The following PLCB4 variants were observed in gnomAD, a reference collection of about 807,000 sequenced individuals.
PLCB4 encodes the protein phospholipase C beta 4.
In PLCB4, 77 loss-of-function variants were observed where a neutral mutation model predicts 178.8. The observed-to-expected ratio is 0.43, with a 90% CI of 0.36 to 0.52. The LOEUF (loss-of-function observed/expected upper bound fraction) is 0.52, where lower values mean the gene tolerates loss of function less well. PLCB4 is among the 20% of genes least tolerant of loss of function. The pLI, the probability that PLCB4 is intolerant of heterozygous loss-of-function variation, is 0.00. For missense variants in PLCB4, 1,024 were observed against 1,453.4 expected (o/e 0.70, Z 4.80); for synonymous variants, 496 against 490.8 (o/e 1.01, Z -0.14).
At chr20:9,445,661 G>A (rs2042371639) in intron 32 of PLCB4, among the ~76,000 whole-genome samples, 1 of 152,166 alleles carries the variant, frequency 6.6e-6, no homozygotes, top group African/African-American at 2.4e-5. Flanking sequence ...TTCAAAGACT[G>A]TTTCTAAGTT....
chr20:9,406,689 G>C (rs1481197878), intron 21 of PLCB4, among the ~76,000 whole-genome samples: 3 of 151,952 alleles, frequency 2.0e-5, no homozygotes, highest in Admixed American at 2.0e-4. Context: ...TAGAGATGGG[G>C]TTTCACAGTG....
At chr20:9,336,786 G>A (rs1376983386) in intron 4 of PLCB4, among the ~76,000 whole-genome samples, 1 of 151,508 alleles carries the variant, frequency 6.6e-6, no homozygotes, top group African/African-American at 2.4e-5. Context: ...AAAAAATAAT[G>A]TATCTCCTGA....
chr20:9,080,071 G>A (rs146017902), intron 1 of PLCB4, among the ~76,000 whole-genome samples: 10 of 152,248 alleles, frequency 6.6e-5, no homozygotes, highest in Non-Finnish European at 1.2e-4. Context: ...TGGGGGAAGA[G>A]ACTAGGAGGA....
intron 36 of PLCB4, among the ~76,000 whole-genome samples, chr20:9,471,672 C>G (rs1369658968): frequency 6.6e-6 from 1 of 152,160 alleles, no homozygotes; most frequent in Non-Finnish European, 1.5e-5. Flanking sequence ...CACCAGTAGT[C>G]AGGGAAATGC....
chr20:9,252,975 T>A (rs1601446898), intron 3 of PLCB4, among the ~76,000 whole-genome samples: 1 of 152,308 alleles, frequency 6.6e-6, no homozygotes, highest in South Asian at 2.1e-4. Context: ...TTGTGGGACT[T>A]CTCAGCCTCC....
intron 28 of PLCB4, among the ~76,000 whole-genome samples, chr20:9,433,113 G>T (rs1029887929): frequency 6.6e-6 from 1 of 152,186 alleles, no homozygotes; most frequent in South Asian, 2.1e-4. Context: ...CCGAATTGCT[G>T]TGAAGAGAGA....
chr20:9,111,941 T>C (rs2091589469), intron 2 of PLCB4, among the ~76,000 whole-genome samples: 1 of 152,200 alleles, frequency 6.6e-6, no homozygotes, highest in Non-Finnish European at 1.5e-5. Flanking sequence ...AGTCCACTAG[T>C]GGAAGTATTA....
At chr20:9,470,554 C>G (rs999981790) in intron 36 of PLCB4, among the ~76,000 whole-genome samples, 3 of 152,148 alleles carry the variant, frequency 2.0e-5, no homozygotes, top group Non-Finnish European at 4.4e-5. Flanking sequence ...TTTTTACCAT[C>G]TTTTTCAAAT....
chr20:9,114,911 G>A (rs1178541234), intron 2 of PLCB4, among the ~76,000 whole-genome samples: 1 of 152,176 alleles, frequency 6.6e-6, no homozygotes, highest in Non-Finnish European at 1.5e-5. Flanking sequence ...GTTACCTGGA[G>A]TAGGTGATCT....
At chr20:9,223,411 C>T (rs1443016537) in intron 3 of PLCB4, among the ~76,000 whole-genome samples, 1 of 152,186 alleles carries the variant, frequency 6.6e-6, no homozygotes, top group African/African-American at 2.4e-5. Context: ...ACAGCAGTCA[C>T]CTTTTTACCT....
chr20:9,241,575 A>G (rs931629304), intron 3 of PLCB4, among the ~76,000 whole-genome samples: 1 of 152,226 alleles, frequency 6.6e-6, no homozygotes, highest in Admixed American at 6.5e-5. Context: ...TGTGTGATGA[A>G]TCACCAGATG....
intron 2 of PLCB4, among the ~76,000 whole-genome samples, chr20:9,126,106 CAA>C (rs957947248): frequency 2.0e-5 from 3 of 152,044 alleles, no homozygotes; most frequent in Admixed American, 6.6e-5. Flanking sequence ...TAAATAAAAA[CAA>C]TATTAATATT....
At chr20:9,412,194 A>G (rs1447371735) in intron 25 of PLCB4, among the ~76,000 whole-genome samples, 6 of 152,194 alleles carry the variant, frequency 3.9e-5, no homozygotes, top group Non-Finnish European at 8.8e-5. Flanking sequence ...TTGTGAAAGC[A>G]ATTTTGTTAT....
At chr20:9,360,268 C>T (rs1395528113) in intron 7 of PLCB4, among the ~76,000 whole-genome samples, 2 of 152,182 alleles carry the variant, frequency 1.3e-5, no homozygotes, top group African/African-American at 4.8e-5. Context: ...AGCATGGGCC[C>T]TGTCACTGGA....
chr20:9,125,350 G>A (rs746615943), intron 2 of PLCB4, among the ~76,000 whole-genome samples: 11 of 152,056 alleles, frequency 7.2e-5, no homozygotes, highest in Non-Finnish European at 1.6e-4. Context: ...CTGATTTTAT[G>A]CTTGGTATGG....
intron 30 of PLCB4, among the ~76,000 whole-genome samples, chr20:9,440,654 T>C (rs2042049901): frequency 6.6e-6 from 1 of 152,168 alleles, no homozygotes; most frequent in South Asian, 2.1e-4. Context: ...GGGAAACAGA[T>C]TCCACATATT....
intron 4 of PLCB4, among the ~76,000 whole-genome samples, chr20:9,328,579 T>TGACTGCTGAGCAGTTACCTGAGCC (rs1255790369): frequency 3.9e-5 from 6 of 152,312 alleles, no homozygotes; most frequent in South Asian, 2.1e-4. Context: ...TCTTCAGGTA[T>TGACTGCTGAGCAGTTACCTGAGCC]GACTGCTGAG....
intron 3 of PLCB4, among the ~76,000 whole-genome samples, chr20:9,232,452 T>C (rs1478448005): frequency 6.6e-6 from 1 of 152,168 alleles, no homozygotes; most frequent in Non-Finnish European, 1.5e-5. Flanking sequence ...CTCTAAATTG[T>C]CTATTGTTGA....
chr20:9,302,263 C>G (rs1454756879), intron 3 of PLCB4, among the ~76,000 whole-genome samples: 1 of 151,838 alleles, frequency 6.6e-6, no homozygotes, highest in Non-Finnish European at 1.5e-5. Context: ...TTCCTCCCCT[C>G]TTTTAAAAAG....
Sources: gnomAD v4.1 joint callset for allele counts (sites outside exome capture counted in the v4.1 genomes callset) on GRCh38, gnomAD v4.1.1 for gene constraint, MANE v1.5 for transcripts, NCBI Gene and HGNC (gene_info 2026-07-23, HGNC 2026-07-21) for gene names.